Variants in NRXN1 observed in about 807,000 individuals in gnomAD.
NRXN1 encodes neurexin-1.
Under a neutral mutation model 150.9 loss-of-function variants are expected in NRXN1, and 39 were observed. The ratio of observed to expected loss-of-function variants is 0.26; its 90% CI spans 0.20 to 0.34. The LOEUF (loss-of-function observed/expected upper bound fraction) is 0.34. Ranked by LOEUF, NRXN1 falls within the 10% of genes least tolerant of loss-of-function variation. NRXN1 has a pLI of 1.00. For synonymous variants in NRXN1, 924 were observed against 757.0 expected (o/e 1.22, Z -3.62); for missense variants, 1,815 against 1,949.9 (o/e 0.93, Z 1.30).
At chr2:50,334,116 G>A (rs529092509) in intron 17 of NRXN1, among the ~76,000 whole-genome samples, 1 of 150,916 alleles carries the variant, frequency 6.6e-6, no homozygotes, top group East Asian at 2.0e-4. Context: ...AATGTCTAGA[G>A]AGCACAGCAC....
chr2:50,295,166 T>C (rs539646858), intron 17 of NRXN1, among the ~76,000 whole-genome samples: 13 of 152,360 alleles, frequency 8.5e-5, no homozygotes, highest in African/African-American at 3.1e-4. Flanking sequence ...CCATTGAGGG[T>C]ACAATAGCAT....
intron 17 of NRXN1, chr2:50,432,135 C>T (rs1299124193): frequency 6.6e-6 from 1 of 152,186 alleles, no homozygotes; most frequent in Non-Finnish European, 1.5e-5. Flanking sequence ...ATGCTCCACA[C>T]CCAGGCTCAT....
intron 5 of NRXN1, among the ~76,000 whole-genome samples, chr2:50,758,637 T>A (rs1225500152): frequency 6.6e-6 from 1 of 151,938 alleles, no homozygotes; most frequent in East Asian, 1.9e-4. Context: ...GCAGTCATTC[T>A]GGCTTGTTTT....
chr2:50,117,774 G>GA (rs59049470), intron 18 of NRXN1, among the ~76,000 whole-genome samples: 47,170 of 132,976 alleles, frequency 0.35, 7,917 homozygotes, highest in Admixed American at 0.45. Context: ...CAGGCTGTCA[G>GA]AAAAAAAAAA....
intron 5 of NRXN1, among the ~76,000 whole-genome samples, chr2:50,649,378 T>C (rs1038965482): frequency 6.6e-6 from 1 of 151,944 alleles, no homozygotes; most frequent in Non-Finnish European, 1.5e-5. Context: ...GACATTGTCA[T>C]AGAAATGCTT....
Position 49,922,072 on chromosome 2 carries a change from C to T in NRXN1, c.4396G>A (p.Asp1466Asn). ...TTACTGATGTAGTTTCGACTCTCGT[C>T]CACATGGTATGAGCCTTCATCCCGG... ...RNRDEGSYHVDESRNYISNSA... is the reference protein window; with the variant it reads ...RNRDEGSYHVNESRNYISNSA... Residue 1466 changes from aspartate (D) to asparagine (N), a missense_variant, in exon 23 of 23, where the codon GAC becomes AAC. This residue lies in a region of NRXN1 where 265 missense variants were observed against 307.1 expected (regional missense o/e 0.86). Coordinates refer to ENST00000401669, the MANE Select transcript of NRXN1 (RefSeq NM_001330078.2). 6.2e-7 allele frequency: 1 copy of T among 1,614,126 alleles called. No individual in the cohort carries two copies. Among genetic ancestry groups the T allele is most frequent in the Non-Finnish European group, 8.5e-7 (1 of 1,180,012 alleles).
At chr2:50,428,367 A>T (rs1327378045) in intron 17 of NRXN1, among the ~76,000 whole-genome samples, 1 of 152,206 alleles carries the variant, frequency 6.6e-6, no homozygotes, top group Non-Finnish European at 1.5e-5. Context: ...GTGAGCCATG[A>T]TTGTACCACT....
At chr2:50,636,480 C>T (rs1370797116) in intron 5 of NRXN1, among the ~76,000 whole-genome samples, 4 of 152,162 alleles carry the variant, frequency 2.6e-5, no homozygotes, top group Non-Finnish European at 5.9e-5. Flanking sequence ...TATTGAGCCA[C>T]TGTTTCACTG....
intron 13 of NRXN1, among the ~76,000 whole-genome samples, chr2:50,499,721 G>A (rs2091844798): frequency 6.6e-6 from 1 of 152,040 alleles, no homozygotes; most frequent in African/African-American, 2.4e-5. Context: ...GCCTAGGGGG[G>A]CAGATCACCT....
At chr2:50,805,156 T>C (rs995858677) in intron 5 of NRXN1, among the ~76,000 whole-genome samples, 5 of 152,220 alleles carry the variant, frequency 3.3e-5, no homozygotes, top group Admixed American at 6.5e-5. Flanking sequence ...GTATCTTTCA[T>C]TGAATTAAAA....
chr2:50,569,849 G>A (rs905319227), intron 8 of NRXN1, among the ~76,000 whole-genome samples: 1 of 152,020 alleles, frequency 6.6e-6, no homozygotes, highest in African/African-American at 2.4e-5. Context: ...ACAACAAATT[G>A]TTATATAAAA....
chr2:50,819,670 AAATT>A (rs1669438862), intron 5 of NRXN1, among the ~76,000 whole-genome samples: 1 of 152,132 alleles, frequency 6.6e-6, no homozygotes, highest in South Asian at 2.1e-4. Flanking sequence ...TTAAGAGGAT[AAATT>A]ACATGTTATG....
At chr2:51,029,968 A>G (rs1226159940) in intron 1 of NRXN1, among the ~76,000 whole-genome samples, 1 of 152,090 alleles carries the variant, frequency 6.6e-6, no homozygotes, top group Non-Finnish European at 1.5e-5. Flanking sequence ...GTTGGCATGT[A>G]TGTCATCTCA....
chr2:50,145,529 T>C (rs1315432338), intron 18 of NRXN1, among the ~76,000 whole-genome samples: 1 of 151,724 alleles, frequency 6.6e-6, no homozygotes, highest in African/African-American at 2.4e-5. Context: ...CTTCACGCTA[T>C]CTCCCCCTCC....
intron 17 of NRXN1, chr2:50,312,694 C>CT: frequency 2.0e-6 from 1 of 509,492 alleles, no homozygotes; most frequent in Non-Finnish European, 3.9e-6. Flanking sequence ...CACATCCTCT[C>CT]ATCTAGTCAC....
At chr2:50,417,278 A>G (rs552146816) in intron 17 of NRXN1, 1 of 152,142 alleles carries the variant, frequency 6.6e-6, no homozygotes, top group Non-Finnish European at 1.5e-5. Flanking sequence ...TTCAAGCCAA[A>G]GTTTTATAAA....
intron 21 of NRXN1, among the ~76,000 whole-genome samples, chr2:50,020,295 T>C (rs1307400300): frequency 6.6e-6 from 1 of 152,234 alleles, no homozygotes; most frequent in African/African-American, 2.4e-5. Context: ...CTCTTTGTTA[T>C]ATTCATTCTA....
At chr2:50,889,817 C>A (rs962485831) in intron 5 of NRXN1, among the ~76,000 whole-genome samples, 1 of 151,516 alleles carries the variant, frequency 6.6e-6, no homozygotes, top group Non-Finnish European at 1.5e-5. Context: ...AACATAACTG[C>A]ATACAATATA....
At chr2:50,087,853 G>A (rs1441210041) in intron 19 of NRXN1, among the ~76,000 whole-genome samples, 1 of 152,086 alleles carries the variant, frequency 6.6e-6, no homozygotes, top group Non-Finnish European at 1.5e-5. Flanking sequence ...TCAATGCTTT[G>A]GTTGCTTTTC....
Sources: gnomAD v4.1 joint callset for allele counts (sites outside exome capture counted in the v4.1 genomes callset) on GRCh38, gnomAD v4.1.1 for gene constraint, gnomAD v4.1.1 regional missense constraint, MANE v1.5 for transcripts, NCBI Gene and HGNC (gene_info 2026-07-23, HGNC 2026-07-21) for gene names.